The following SLC67A2 variants were observed in gnomAD, a reference collection of about 807,000 sequenced individuals.
SLC67A2 encodes the protein solute carrier family 67 member A2.
At chr2:102,721,657 C>CTGTGTGTGTG in the SLC67A2 span, among the ~76,000 whole-genome samples, 10 of 148,904 alleles carry the variant, frequency 6.7e-5, no homozygotes, top group South Asian at 2.1e-4. Context: ...GCTCATAGTC[C>CTGTGTGTGTG]TGTGTGTGTG....
the SLC67A2 span, chr2:102,718,528 G>A: frequency 9.0e-5 from 145 of 1,612,924 alleles, no homozygotes; most frequent in East Asian, 2.7e-4. Flanking sequence ...TGGGGGGGCC[G>A]CAAGGGCTGA....
At chr2:102,736,595 C>T in the SLC67A2 span, 1 of 1,613,450 alleles carries the variant, frequency 6.2e-7, no homozygotes. Context: ...CCTGGGTCCC[C>T]AGGCCCGAAC....
chr2:102,732,633 C>T, the SLC67A2 span, among the ~76,000 whole-genome samples: 2 of 152,138 alleles, frequency 1.3e-5, no homozygotes, highest in Non-Finnish European at 2.9e-5. Flanking sequence ...GGAGGATATG[C>T]TACAGAAGTT....
chr2:102,716,744 G>C, the SLC67A2 span: 2 of 152,134 alleles, frequency 1.3e-5, no homozygotes, highest in South Asian at 4.1e-4. Flanking sequence ...TTGAAAACAG[G>C]CATACCATCC....
the SLC67A2 span, among the ~76,000 whole-genome samples, chr2:102,725,654 C>G: frequency 5.9e-5 from 9 of 152,196 alleles, no homozygotes; most frequent in East Asian, 1.7e-3. Context: ...CACATTTAAG[C>G]AAAGACCTTC....
At chr2:102,733,481 A>C in the SLC67A2 span, among the ~76,000 whole-genome samples, 1 of 152,204 alleles carries the variant, frequency 6.6e-6, no homozygotes, top group Non-Finnish European at 1.5e-5. Flanking sequence ...TTCCATGGTT[A>C]CATCTTTAGA....
the SLC67A2 span, among the ~76,000 whole-genome samples, chr2:102,727,839 AT>A: frequency 6.6e-6 from 1 of 152,232 alleles, no homozygotes; most frequent in Admixed American, 6.5e-5. Context: ...GCTACTGTCA[AT>A]GTTTAAAATC....
At chr2:102,723,872 T>C in the SLC67A2 span, 5 of 1,613,964 alleles carry the variant, frequency 3.1e-6, no homozygotes, top group East Asian at 2.2e-5. Flanking sequence ...CATCAGAAAG[T>C]AGAGCCCTTG....
At chr2:102,736,758 T>C in the SLC67A2 span, 1 of 1,613,754 alleles carries the variant, frequency 6.2e-7, no homozygotes, top group Non-Finnish European at 8.5e-7. Flanking sequence ...CTCTGCGGTC[T>C]CCGAGACCAG....
At chr2:102,721,002 T>C in the SLC67A2 span, among the ~76,000 whole-genome samples, 1 of 152,182 alleles carries the variant, frequency 6.6e-6, no homozygotes, top group Non-Finnish European at 1.5e-5. Context: ...TCCTCTGCTA[T>C]TCTATTGGCC....
the SLC67A2 span, among the ~76,000 whole-genome samples, chr2:102,735,845 C>G: frequency 1.2e-5 from 1 of 86,552 alleles, no homozygotes; most frequent in Non-Finnish European, 2.2e-5. Flanking sequence ...CACGCGCGCG[C>G]GCACACACAC....
At chr2:102,718,029 A>C in the SLC67A2 span, 1 of 170,382 alleles carries the variant, frequency 5.9e-6, no homozygotes, top group African/African-American at 2.4e-5. Context: ...TTTCAGTAGG[A>C]AAATGCTTGT....
At chr2:102,735,491 C>G in the SLC67A2 span, among the ~76,000 whole-genome samples, 3 of 152,232 alleles carry the variant, frequency 2.0e-5, no homozygotes, top group Non-Finnish European at 4.4e-5. Context: ...CCAGTGCCAT[C>G]AGATACTATC....
chr2:102,731,659 C>A, the SLC67A2 span, among the ~76,000 whole-genome samples: 2 of 152,174 alleles, frequency 1.3e-5, no homozygotes, highest in Non-Finnish European at 2.9e-5. Flanking sequence ...ATACAAATCA[C>A]GGCATGGACC....
At chr2:102,719,060 T>C in the SLC67A2 span, 2 of 1,614,122 alleles carry the variant, frequency 1.2e-6, no homozygotes, top group African/African-American at 2.7e-5. Flanking sequence ...CTGGGCAGTC[T>C]TCTTGCTGGC....
the SLC67A2 span, among the ~76,000 whole-genome samples, chr2:102,725,468 A>G: frequency 1.3e-5 from 2 of 152,202 alleles, no homozygotes; most frequent in African/African-American, 4.8e-5. Flanking sequence ...GTTCTTATTC[A>G]TCTTCCCCAT....
chr2:102,729,241 G>A, the SLC67A2 span, among the ~76,000 whole-genome samples: 1 of 151,714 alleles, frequency 6.6e-6, no homozygotes, highest in African/African-American at 2.4e-5. Context: ...AAACAACAAA[G>A]GAAAATCTGA....
the SLC67A2 span, among the ~76,000 whole-genome samples, chr2:102,720,138 G>C: frequency 2.0e-5 from 3 of 152,082 alleles, no homozygotes; most frequent in Non-Finnish European, 4.4e-5. Flanking sequence ...AAGTGCTAAA[G>C]AGCACTTAAA....
chr2:102,720,712 G>A, the SLC67A2 span, among the ~76,000 whole-genome samples: 1 of 152,106 alleles, frequency 6.6e-6, no homozygotes, highest in Non-Finnish European at 1.5e-5. Context: ...GGCAAAGCAG[G>A]GATTTGAACC....
Sources: gnomAD v4.1 joint callset for allele counts (sites outside exome capture counted in the v4.1 genomes callset) on GRCh38, gnomAD v4.1.1 for gene constraint, MANE v1.5 for transcripts, NCBI Gene and HGNC (gene_info 2026-07-23, HGNC 2026-07-21) for gene names.